The following HBP1 variants were observed in gnomAD, a reference collection of about 807,000 sequenced individuals.
HBP1 encodes the protein HMG box-containing protein 1.
A neutral mutation model predicts 62.6 loss-of-function variants in HBP1; 20 were observed. The ratio of observed to expected loss-of-function variants is 0.32; its 90% CI spans 0.22 to 0.46. The LOEUF is 0.46. Among genes scored for constraint, HBP1 ranks in the 20% least tolerant of loss-of-function variants. The pLI, the probability that HBP1 is intolerant of heterozygous loss-of-function variation, is 1.00. For synonymous variants in HBP1, 232 were observed against 206.2 expected (o/e 1.12, Z -1.07); for missense variants, 480 against 611.8 (o/e 0.78, Z 2.27).
At chr7:107,186,138 T>C (rs2115895102) in intron 4 of HBP1, among the ~76,000 whole-genome samples, 196 bp downstream of exon 4, 1 of 151,718 alleles carries the variant, frequency 6.6e-6, no homozygotes, top group Admixed American at 6.6e-5. Context: ...AACTTTGTTT[T>C]GTGTGTGTCT....
chr7:107,202,371 T>C lies in HBP1; in HGVS notation c.*940T>C, dbSNP rs569879796. 1 of 152,754 alleles carries C rather than the reference T, an allele frequency of 6.5e-6. No homozygotes were observed. Among genetic ancestry groups the C allele is most frequent in the East Asian group, 1.9e-4 (1 of 5,188 alleles). 9.5% of individuals were successfully genotyped at this position (152,754 alleles called of 1,614,324 possible). The stretch of plus-strand genomic sequence containing the variant: ...TTTGCTCTGAGCTACAATCATGGCT[T>C]TTCATGTTACTTACCAAGTGGTGTT... On this transcript the variant is annotated 3_prime_UTR_variant, in exon 11 of 11. Transcript: ENST00000222574.
At chr7:107,179,189 A>G (rs1796994257) in intron 1 of HBP1, among the ~76,000 whole-genome samples, 1 of 152,072 alleles carries the variant, frequency 6.6e-6, no homozygotes, top group Non-Finnish European at 1.5e-5. Context: ...ACTTTTATTA[A>G]GGAAAGTTTT....
At chr7:107,170,972 AACAT>A (rs1212275774) in intron 1 of HBP1, among the ~76,000 whole-genome samples, 13 of 143,846 alleles carry the variant, frequency 9.0e-5, no homozygotes, top group Admixed American at 7.7e-4. Context: ...TAAAATATAT[AACAT>A]ACATGTATAT....
In HBP1 at chr7:107,189,408, A is replaced by G. The variant is rs199516554; in HGVS notation, c.882A>G (p.Val294=). Residue 294 remains valine, a synonymous_variant, in exon 7 of 11, where the codon GTA becomes GTG. Coordinates refer to ENST00000222574, the MANE Select transcript of HBP1 (RefSeq NM_012257.4). The stretch of plus-strand genomic sequence containing the variant: ...CAGTAGAAGATGGTTTACTTACCGT[A>G]GAGTGTAAGCTGGACCACCCTTTCT... ...PGTVEDGLLT[V]ECKLDHPFYV... The G allele has an allele frequency of 2.5e-6, 4 of 1,612,832 alleles. No individual in the cohort carries two copies. Among genetic ancestry groups the G allele is most frequent in the Non-Finnish European group, 2.5e-6 (3 of 1,178,898 alleles).
rs1178661154 is a variant in HBP1 at position 107,186,147 on chromosome 7, CTTTTTTTTCT to C, written c.541-195_541-186del. Among the ~76,000 whole-genome samples, 400 of 135,090 alleles carry C rather than the reference CTTTTTTTTCT, an allele frequency of 3.0e-3. 1 individual carries two copies. The highest frequency in any genetic ancestry group is 5.9e-3 in the South Asian group (25 of 4,232). The allele number at this position is 135,090 out of a possible 152,430, so 88.6% of individuals were successfully genotyped here. ...TCCAAAAACTTTGTTTTGTGTGTGT[CTTTTTTTTCT>C]TTTTTTTTCTTTTTTTTTTTTTTTT... On this transcript the variant is annotated intron_variant, in intron 4 of 10. Coordinates refer to ENST00000222574, the MANE Select transcript of HBP1 (RefSeq NM_012257.4).
At chr7:107,186,259 T>A in intron 4 of HBP1, 102 bp from the exon 5 acceptor site, 2 of 672,594 alleles carry the variant, frequency 3.0e-6, no homozygotes, top group Non-Finnish European at 5.0e-6. Flanking sequence ...ATTACTAAGT[T>A]ATCCACCTAT....
chr7:107,195,750 C>CT (rs75208949), intron 8 of HBP1, 84 bp from the exon 9 acceptor site: 16,226 of 525,918 alleles, frequency 0.031, no homozygotes, highest in Middle Eastern at 0.041. Flanking sequence ...CAGATGTTTT[C>CT]TTTTTTTTTT....
rs1000038820 is a variant in HBP1, at chr7:107,201,574, AATAAT to A, written c.*146_*150del. 8.4e-6 allele frequency: 4 copies of A among 473,436 alleles called. No homozygotes were observed. The highest frequency in any genetic ancestry group is 6.0e-5 in the African/African-American group (3 of 50,046). The allele number at this position is 473,436 out of a possible 1,614,324, so 29.3% of individuals were successfully genotyped here. ...ATAGCATTGAGTCTTGAAATGATTT[AATAAT>A]ATGAGTGAGGATTTGCTTTCTCCAT... On this transcript the variant is annotated 3_prime_UTR_variant, in exon 11 of 11. Transcript: ENST00000222574.
At chr7:107,170,833 C>T (rs774485990) in intron 1 of HBP1, among the ~76,000 whole-genome samples, 5 of 151,068 alleles carry the variant, frequency 3.3e-5, no homozygotes, top group Non-Finnish European at 7.4e-5. Flanking sequence ...TACATGTCTC[C>T]GCTATCCTGT....
chr7:107,199,924 A>ATAGAT (rs1402431321), intron 9 of HBP1, among the ~76,000 whole-genome samples: 5 of 152,246 alleles, frequency 3.3e-5, no homozygotes, highest in Non-Finnish European at 5.9e-5. Context: ...ACGGGCACAA[A>ATAGAT]TAGATTAGCT....
At chr7:107,171,064 TATA>T (rs1197904443) in intron 1 of HBP1, among the ~76,000 whole-genome samples, 1,339 of 69,126 alleles carry the variant, frequency 0.019, 142 homozygotes, top group Non-Finnish European at 0.025. Flanking sequence ...TATATATATA[TATA>T]TATATATTTT....
chr7:107,180,796 A>G (rs1428927476), intron 2 of HBP1, among the ~76,000 whole-genome samples: 1 of 152,186 alleles, frequency 6.6e-6, no homozygotes, highest in Non-Finnish European at 1.5e-5. Flanking sequence ...TTGAATGCCA[A>G]GGATTTTCTG....
At chr7:107,182,172 C>T (rs891448527) in intron 2 of HBP1, among the ~76,000 whole-genome samples, 1 of 151,970 alleles carries the variant, frequency 6.6e-6, no homozygotes, top group Non-Finnish European at 1.5e-5. Flanking sequence ...AGGTGAGGTA[C>T]AAAACACTAG....
chr7:107,174,470 A>T, intron 1 of HBP1: 1 of 985,316 alleles, frequency 1.0e-6, no homozygotes, highest in African/African-American at 1.7e-5. Context: ...GGTGGTTGAT[A>T]ACTAAGACAA....
At chr7:107,169,213 GT>G in intron 1 of HBP1, 28 bp downstream of exon 1, 1 of 888,210 alleles carries the variant, frequency 1.1e-6, no homozygotes, top group Non-Finnish European at 1.4e-6. Context: ...TAGGGAAGAG[GT>G]GGGGGTGGGG....
At chr7:107,194,789 A>T (rs958509736) in intron 8 of HBP1, among the ~76,000 whole-genome samples, 2 of 152,262 alleles carry the variant, frequency 1.3e-5, no homozygotes, top group African/African-American at 4.8e-5. Flanking sequence ...AAGAAGATAG[A>T]AAAGTACTAT....
At chr7:107,183,859 C>T (rs1028796722) in intron 3 of HBP1, among the ~76,000 whole-genome samples, 1 of 152,210 alleles carries the variant, frequency 6.6e-6, no homozygotes, top group Non-Finnish European at 1.5e-5. Flanking sequence ...TACCTCCTAA[C>T]ACTGTCTGCT....
intron 8 of HBP1, among the ~76,000 whole-genome samples, chr7:107,195,020 G>A (rs1562898944): frequency 1.3e-5 from 2 of 152,104 alleles, no homozygotes; most frequent in Non-Finnish European, 2.9e-5. Flanking sequence ...CCAGATTACT[G>A]GGCATTTTAA....
At chr7:107,175,218 C>T (rs1796776253) in intron 1 of HBP1, among the ~76,000 whole-genome samples, 1 of 150,464 alleles carries the variant, frequency 6.6e-6, no homozygotes, top group Non-Finnish European at 1.5e-5. Flanking sequence ...AAAAAAAAAT[C>T]ATCAGTGGTT....
Sources: allele counts gnomAD v4.1 joint callset (sites outside exome capture counted in the v4.1 genomes callset), GRCh38; gene constraint gnomAD v4.1.1; transcripts MANE v1.5; gene names NCBI Gene and HGNC (gene_info 2026-07-23, HGNC 2026-07-21).